The following CYRIA variants were observed in gnomAD, a reference collection of about 807,000 sequenced individuals.
CYRIA encodes the protein CYFIP related Rac1 interactor A, also known as CYFIP-related Rac1 interactor A.
A neutral mutation model predicts 43.9 loss-of-function variants in CYRIA; 15 were observed. That is an observed-to-expected ratio of 0.34 (90% CI 0.23 to 0.53). CYRIA has a LOEUF of 0.53. CYRIA is among the 20% of genes least tolerant of loss of function. The pLI is 0.94. For missense variants in CYRIA, 236 were observed against 394.2 expected (o/e 0.60, Z 3.40); for synonymous variants, 117 against 136.0 (o/e 0.86, Z 0.97).
intron 1 of CYRIA, among the ~76,000 whole-genome samples, chr2:16,641,274 C>T (rs1669668388): frequency 6.6e-6 from 1 of 152,158 alleles, no homozygotes; most frequent in South Asian, 2.1e-4. Flanking sequence ...CATTGAGTCC[C>T]TGGCCCAAAT....
At position 16,623,874 on chromosome 2, in the gene CYRIA, C is replaced by G. The variant is rs561376187; in HGVS notation, c.-21G>C. On this transcript the variant is annotated 5_prime_UTR_variant, in exon 2 of 12. Coordinates refer to ENST00000381323, the MANE Select transcript of CYRIA (RefSeq NM_030797.4). ...TCAATTGTTTCTTACCTGGAAATAT[C>G]TCCTGTGATTCAGTTTCACCAATCC... The G allele has an allele frequency of 6.6e-6, 1 of 152,348 alleles. No individual in the cohort carries two copies. The highest frequency in any genetic ancestry group is 2.4e-5 in the African/African-American group (1 of 41,584). 9.4% of individuals were successfully genotyped at this position (152,348 alleles called of 1,614,324 possible).
intron 1 of CYRIA, among the ~76,000 whole-genome samples, chr2:16,632,237 G>A (rs574632005): frequency 6.6e-6 from 1 of 152,314 alleles, no homozygotes; most frequent in Admixed American, 6.5e-5. Context: ...CCCTTCAGCG[G>A]AGTGTTTCTA....
intron 7 of CYRIA, 71 bp downstream of exon 7, chr2:16,561,385 G>A: frequency 6.6e-7 from 1 of 1,507,018 alleles, no homozygotes; most frequent in Non-Finnish European, 9.2e-7. Flanking sequence ...TTCTGTCTGT[G>A]CTCTGCCTGA....
intron 1 of CYRIA, among the ~76,000 whole-genome samples, chr2:16,660,830 C>T (rs1200173140): frequency 6.6e-6 from 1 of 152,192 alleles, no homozygotes; most frequent in African/African-American, 2.4e-5. Flanking sequence ...CATCTGTCTG[C>T]AGCGCTAAGC....
chr2:16,580,712 A>C (rs968137386), intron 3 of CYRIA, among the ~76,000 whole-genome samples: 3 of 152,188 alleles, frequency 2.0e-5, no homozygotes, highest in Non-Finnish European at 4.4e-5. Context: ...GAGTTAAAAG[A>C]CTTACTCTTT....
chr2:16,550,753 G>C lies in CYRIA; in HGVS notation c.*2183C>G, dbSNP rs1666278675. ...CGACATGGGTTCAAGCCCCTCATGAGCCCTGTGGTGGCTGGCAAGTCCTTT... is the reference window on the plus strand; with the variant it reads ...CGACATGGGTTCAAGCCCCTCATGACCCCTGTGGTGGCTGGCAAGTCCTTT... On this transcript the variant is annotated 3_prime_UTR_variant, in exon 12 of 12. Coordinates refer to ENST00000381323, the MANE Select transcript of CYRIA (RefSeq NM_030797.4). The C allele has an allele frequency of 6.6e-6, 1 of 152,160 alleles. No individual in the cohort carries two copies. Among genetic ancestry groups the C allele is most frequent in the Non-Finnish European group, 1.5e-5 (1 of 68,032 alleles). 9.4% of individuals were successfully genotyped at this position (152,160 alleles called of 1,614,324 possible). A position where few individuals can be genotyped will look rare whatever the true frequency, so the allele number is the denominator to read the frequency against.
intron 1 of CYRIA, among the ~76,000 whole-genome samples, chr2:16,649,479 G>A (rs1299437683): frequency 1.3e-5 from 2 of 151,816 alleles, no homozygotes; most frequent in African/African-American, 2.4e-5. Context: ...TACAGTATGG[G>A]GGACAGTTGT....
chr2:16,554,615 G>A (rs1033490270), intron 11 of CYRIA, among the ~76,000 whole-genome samples: 1 of 152,166 alleles, frequency 6.6e-6, no homozygotes, highest in Admixed American at 6.5e-5. Flanking sequence ...GATTCATTTG[G>A]TCTTGAGTCA....
chr2:16,621,905 A>G (rs1035427942), intron 2 of CYRIA, among the ~76,000 whole-genome samples: 6 of 152,078 alleles, frequency 3.9e-5, no homozygotes, highest in African/African-American at 1.4e-4. Flanking sequence ...CCTTGATCCT[A>G]CTTGAATGCA....
intron 1 of CYRIA, among the ~76,000 whole-genome samples, chr2:16,630,831 CT>C (rs1669310046): frequency 6.6e-6 from 1 of 152,220 alleles, no homozygotes; most frequent in Admixed American, 6.5e-5. Context: ...ACGGCTCCAA[CT>C]ACAGGAGCAT....
At chr2:16,646,571 TG>T (rs1224541354) in intron 1 of CYRIA, among the ~76,000 whole-genome samples, 6 of 152,322 alleles carry the variant, frequency 3.9e-5, no homozygotes, top group African/African-American at 1.4e-4. Context: ...TGTTGCGACT[TG>T]ACATTTTCTT....
chr2:16,615,797 T>C (rs934602818), intron 2 of CYRIA, among the ~76,000 whole-genome samples: 1 of 152,232 alleles, frequency 6.6e-6, no homozygotes, highest in African/African-American at 2.4e-5. Context: ...TACTGTAACA[T>C]TCGGTGGCTC....
chr2:16,637,681 T>C (rs1444496229), intron 1 of CYRIA, among the ~76,000 whole-genome samples: 2 of 152,238 alleles, frequency 1.3e-5, no homozygotes, highest in African/African-American at 2.4e-5. Context: ...ACCCCTAATA[T>C]ATTGGATTGC....
intron 1 of CYRIA, among the ~76,000 whole-genome samples, chr2:16,634,034 A>T (rs1669416416): frequency 6.6e-6 from 1 of 152,272 alleles, no homozygotes; most frequent in African/African-American, 2.4e-5. Flanking sequence ...GTTGGACCAC[A>T]GACAGAATGA....
rs527867155 is a variant in CYRIA at position 16,626,345 on chromosome 2, C to T, written c.-166-2326G>A. Reference sequence around the variant, plus strand: ...CCAATCCAGAGCAGCGGTCAGGAAACTTGTACGGTTAAAAATCTTCTGAGA... The same window carrying T: ...CCAATCCAGAGCAGCGGTCAGGAAATTTGTACGGTTAAAAATCTTCTGAGA... On this transcript the variant is annotated intron_variant, in intron 1 of 11. Coordinates refer to ENST00000381323, the MANE Select transcript of CYRIA (RefSeq NM_030797.4). Among the ~76,000 whole-genome samples the T allele has an allele frequency of 1.8e-4, 28 of 152,220 alleles. No homozygotes were observed. The South Asian group carries it at 5.6e-3, about 30-fold the overall frequency.
intron 1 of CYRIA, among the ~76,000 whole-genome samples, chr2:16,652,893 A>G (rs754208659): frequency 6.6e-6 from 1 of 152,146 alleles, no homozygotes; most frequent in Non-Finnish European, 1.5e-5. Context: ...TGCCCATGTG[A>G]TGCTTGTCCA....
chr2:16,661,971 T>G (rs1670267258), intron 1 of CYRIA, among the ~76,000 whole-genome samples: 1 of 152,202 alleles, frequency 6.6e-6, no homozygotes, highest in Non-Finnish European at 1.5e-5. Context: ...TTCAACATGC[T>G]CAGAATAAAA....
chr2:16,589,504 C>T (rs180954469), intron 2 of CYRIA, among the ~76,000 whole-genome samples: 6 of 152,084 alleles, frequency 3.9e-5, no homozygotes, highest in Non-Finnish European at 8.8e-5. Flanking sequence ...GTTAGATGGC[C>T]GGTGTCTAAT....
intron 1 of CYRIA, among the ~76,000 whole-genome samples, chr2:16,657,747 C>G (rs1013952565): frequency 1.3e-5 from 2 of 152,146 alleles, no homozygotes; most frequent in Non-Finnish European, 2.9e-5. Flanking sequence ...TCAGAAATGT[C>G]TTTTAGAAAG....
Sources: gnomAD v4.1 joint callset for allele counts (sites outside exome capture counted in the v4.1 genomes callset) on GRCh38, gnomAD v4.1.1 for gene constraint, MANE v1.5 for transcripts, NCBI Gene and HGNC (gene_info 2026-07-23, HGNC 2026-07-21) for gene names.